SOD2: variants seen among roughly 807,000 people sequenced by gnomAD.
SOD2 encodes superoxide dismutase 2, also known as superoxide dismutase [Mn], mitochondrial.
SOD2 carries 11 observed loss-of-function variants against 27.0 expected under a neutral mutation model. The observed-to-expected ratio is 0.41, with a 90% confidence interval of 0.26 to 0.67. The LOEUF (loss-of-function observed/expected upper bound fraction) is 0.67, where lower values mean the gene tolerates loss of function less well. Ranked by LOEUF, SOD2 falls within the 30% of genes least tolerant of loss-of-function variation. The probability of loss-of-function intolerance (pLI) is 0.34; values close to 1 mark genes in which losing one functional copy is unlikely to be tolerated. For synonymous variants in SOD2, 105 were observed against 103.0 expected (o/e 1.02, Z -0.12); for missense variants, 250 against 274.5 (o/e 0.91, Z 0.63).
Position 159,672,287 on chromosome 6 carries a change from T to C in SOD2, c.*10206A>G, listed in dbSNP as rs1270713317. ...AGAAGAGCAACTCCAAGACACATAA[T>C]TGTCAGATTCACCAAAGTTGAAATG... On this transcript the variant is annotated 3_prime_UTR_variant, in exon 5 of 5. Coordinates refer to ENST00000538183, the MANE Select transcript of SOD2 (RefSeq NM_000636.4). The C allele has an allele frequency of 6.6e-6, 1 of 152,150 alleles. No homozygotes were observed. The allele number at this position is 152,150 out of a possible 1,614,324, so 9.4% of individuals were successfully genotyped here.
intron 1 of SOD2, among the ~76,000 whole-genome samples, chr6:159,706,393 C>A (rs1308057364): frequency 1.3e-5 from 2 of 152,130 alleles, no homozygotes; most frequent in Non-Finnish European, 2.9e-5. Flanking sequence ...CAGAGACACA[C>A]ATAGGCTCAA....
intron 1 of SOD2, among the ~76,000 whole-genome samples, chr6:159,757,218 A>G (rs910906772): frequency 1.3e-5 from 2 of 152,200 alleles, no homozygotes; most frequent in African/African-American, 2.4e-5. Context: ...TGTTAAAAGC[A>G]AAGTATTGTT....
intron 1 of SOD2, among the ~76,000 whole-genome samples, chr6:159,718,403 TATCTC>T (rs374819289): frequency 4.4e-4 from 67 of 152,332 alleles, no homozygotes; most frequent in African/African-American, 1.6e-3. Context: ...GGAACGCAGA[TATCTC>T]ATCAACATAT....
intron 1 of SOD2, among the ~76,000 whole-genome samples, chr6:159,709,060 C>CATATGTAGAAA (rs1430432611): frequency 6.6e-6 from 1 of 152,154 alleles, no homozygotes; most frequent in Non-Finnish European, 1.5e-5. Flanking sequence ...ACTGGCTAGC[C>CATATGTAGAAA]ATATGTAGAA....
chr6:159,672,022 T>C lies in SOD2; in HGVS notation c.*10471A>G, dbSNP rs1285934589. The C allele has an allele frequency of 6.6e-6, 1 of 151,936 alleles. No homozygotes were observed. Among genetic ancestry groups the C allele is most frequent in the Non-Finnish European group, 1.5e-5 (1 of 67,986 alleles). The allele number at this position is 151,936 out of a possible 1,614,324, so 9.4% of individuals were successfully genotyped here. On this transcript the variant is annotated 3_prime_UTR_variant, in exon 5 of 5. Coordinates refer to ENST00000538183, the MANE Select transcript of SOD2 (RefSeq NM_000636.4). Reference sequence around the variant, plus strand: ...TGAAGATCAGATGAATGAAATGAAGTGAGAAGAGAAGTTAAGAGAAAAAAG... The same window carrying C: ...TGAAGATCAGATGAATGAAATGAAGCGAGAAGAGAAGTTAAGAGAAAAAAG...
At chr6:159,735,125 T>G (rs986390452) in intron 1 of SOD2, among the ~76,000 whole-genome samples, 3 of 152,206 alleles carry the variant, frequency 2.0e-5, no homozygotes, top group Non-Finnish European at 4.4e-5. Flanking sequence ...AGGTGTGACA[T>G]ACATGTGTAT....
intron 1 of SOD2, among the ~76,000 whole-genome samples, chr6:159,700,545 T>C (rs1777505910): frequency 6.6e-6 from 1 of 151,068 alleles, no homozygotes; most frequent in Non-Finnish European, 1.5e-5. Context: ...TCCCAGCTAC[T>C]CGGGAGGCTG....
At chr6:159,755,790 T>TTG (rs1779991801) in intron 1 of SOD2, 29 of 848,824 alleles carry the variant, frequency 3.4e-5, no homozygotes, top group Admixed American at 4.2e-5. Context: ...TTTTTTTTTT[T>TTG]GCTTCAATAC....
chr6:159,698,687 G>A (rs1267949612), intron 1 of SOD2, among the ~76,000 whole-genome samples: 2 of 150,406 alleles, frequency 1.3e-5, no homozygotes, highest in African/African-American at 4.9e-5. Flanking sequence ...CTAATAGCCT[G>A]CTGTTGACCG....
intron 3 of SOD2, among the ~76,000 whole-genome samples, chr6:159,687,007 A>G (rs1780219241): frequency 6.6e-6 from 1 of 152,230 alleles, no homozygotes; most frequent in African/African-American, 2.4e-5. Context: ...TTTTAAAAAT[A>G]CCCAGAAAAC....
intron 2 of SOD2, 97 bp downstream of exon 2, chr6:159,692,564 G>A: frequency 6.4e-7 from 1 of 1,563,558 alleles, no homozygotes; most frequent in South Asian, 1.2e-5. Context: ...AATACGAAGC[G>A]AGTTCTCCTC....
At chr6:159,710,920 T>C (rs753310760) in intron 1 of SOD2, among the ~76,000 whole-genome samples, 294 of 134,746 alleles carry the variant, frequency 2.2e-3, no homozygotes, top group African/African-American at 3.9e-3. Context: ...ATTGCTCTGA[T>C]CACCATAACC....
At chr6:159,688,426 G>T (rs985351715) in intron 2 of SOD2, 184 bp from the exon 3 acceptor site, 5 of 543,376 alleles carry the variant, frequency 9.2e-6, no homozygotes, top group Non-Finnish European at 1.6e-5. Context: ...CTGAACAACT[G>T]ATGAAGGACC....
chr6:159,753,223 G>T, intron 1 of SOD2: 1 of 513,682 alleles, frequency 1.9e-6, no homozygotes, highest in Non-Finnish European at 3.5e-6. Flanking sequence ...TGATGTAATA[G>T]AAACAAGGTG....
At chr6:159,726,379 T>C (rs1319712995) in intron 1 of SOD2, 3 of 158,406 alleles carry the variant, frequency 1.9e-5, no homozygotes, top group African/African-American at 7.2e-5. Flanking sequence ...ACCGATCTGA[T>C]TCACTGGAAA....
chr6:159,739,669 GATAAAA>G (rs1217536197), intron 1 of SOD2, among the ~76,000 whole-genome samples: 2 of 152,058 alleles, frequency 1.3e-5, no homozygotes, highest in Non-Finnish European at 2.9e-5. Flanking sequence ...TGATAACTTA[GATAAAA>G]ATAAAATAAG....
At chr6:159,748,308 A>G (rs1312356916), upstream of SOD2, 7 of 1,614,004 alleles carry the variant, frequency 4.3e-6, no homozygotes, top group Admixed American at 1.2e-4. This position sits in a 1 kb window ranked among gnomAD's most constrained non-coding sequence, Gnocchi z 5.6. Context: ...ACTGGAACAG[A>G]CTAAAGACAA....
At chr6:159,762,042 C>A in exon 1 of SOD2, 2 of 1,606,334 alleles carry the variant, frequency 1.2e-6, no homozygotes, top group Non-Finnish European at 8.5e-7. Context: ...AGGAGCTTTG[C>A]CTAGCTTGCA....
At chr6:159,711,776 A>T (rs540892116) in intron 1 of SOD2, among the ~76,000 whole-genome samples, 1 of 105,198 alleles carries the variant, frequency 9.5e-6, no homozygotes, top group Non-Finnish European at 2.1e-5. Context: ...CCACCTCCAT[A>T]ACCACCACTC....
Sources: allele counts gnomAD v4.1 joint callset (sites outside exome capture counted in the v4.1 genomes callset), GRCh38; gene constraint gnomAD v4.1.1; non-coding constraint Gnocchi (gnomAD v3.1); transcripts MANE v1.5; gene names NCBI Gene and HGNC (gene_info 2026-07-23, HGNC 2026-07-21).